Variants in UBAC2 observed in about 807,000 individuals in gnomAD.
The protein encoded by UBAC2 is UBA domain containing 2.
In UBAC2, 26 loss-of-function variants were observed where a neutral mutation model predicts 44.0. The observed-to-expected ratio is 0.59, with a 90% CI of 0.43 to 0.82. The LOEUF is 0.82. Among genes scored for constraint, UBAC2 ranks in the 40% least tolerant of loss-of-function variants. UBAC2 has a pLI of 0.00. For missense variants in UBAC2, 329 were observed against 419.4 expected (o/e 0.78, Z 1.88); for synonymous variants, 155 against 154.3 (o/e 1.00, Z -0.04).
chr13:99,237,847 C>T (rs1368987143), intron 1 of UBAC2, among the ~76,000 whole-genome samples: 2 of 152,078 alleles, frequency 1.3e-5, no homozygotes, highest in Non-Finnish European at 2.9e-5. Context: ...CCCAGCTACT[C>T]AGGAGGCTGA....
chr13:99,340,656 A>G (rs2044872270), intron 7 of UBAC2, 91 bp downstream of exon 7: 3 of 1,392,188 alleles, frequency 2.2e-6, no homozygotes, highest in Non-Finnish European at 2.0e-6. Flanking sequence ...TAGAGACTAC[A>G]TTTTATTCCA....
At chr13:99,318,919 G>A (rs1437451869) in intron 6 of UBAC2, among the ~76,000 whole-genome samples, 1 of 151,558 alleles carries the variant, frequency 6.6e-6, no homozygotes, top group Non-Finnish European at 1.5e-5. Context: ...TTTTAGCTGG[G>A]CTTGTCAGTG....
chr13:99,263,477 C>T (rs529134464), intron 4 of UBAC2, among the ~76,000 whole-genome samples: 4 of 152,106 alleles, frequency 2.6e-5, no homozygotes, highest in Admixed American at 6.5e-5. Context: ...CGCCAGAATG[C>T]CTACGATGAA....
chr13:99,277,122 C>T (rs995141459), intron 4 of UBAC2, among the ~76,000 whole-genome samples: 13 of 152,204 alleles, frequency 8.5e-5, no homozygotes, highest in Non-Finnish European at 1.6e-4. Flanking sequence ...ATCTACTCTT[C>T]ATCTTTGTGG....
At chr13:99,279,204 A>G (rs1296010835) in intron 4 of UBAC2, among the ~76,000 whole-genome samples, 1 of 151,708 alleles carries the variant, frequency 6.6e-6, no homozygotes, top group Non-Finnish European at 1.5e-5. Context: ...TCCCCTCCCA[A>G]CAGTACCTAC....
At chr13:99,294,743 T>C in intron 4 of UBAC2, 1 of 205,004 alleles carries the variant, frequency 4.9e-6, no homozygotes, top group South Asian at 9.8e-5. Context: ...TTCTAGCCAT[T>C]TGTTGGCAAG....
rs72648091 is a variant in UBAC2, at chr13:99,257,040, T to C, written c.389+12416T>C. Reference sequence around the variant, plus strand: ...GATAATTAAGAATTAACTTGAGCAATTGCTGTGGTTAAACACAAGAAACGT... The same window carrying C: ...GATAATTAAGAATTAACTTGAGCAACTGCTGTGGTTAAACACAAGAAACGT... On this transcript the variant is annotated intron_variant, in intron 4 of 8. Coordinates refer to ENST00000403766, the MANE Select transcript of UBAC2 (RefSeq NM_001144072.2). Among the ~76,000 whole-genome samples, 249 of 152,314 alleles carry C rather than the reference T, an allele frequency of 1.6e-3. 1 individual carries two copies. Among genetic ancestry groups the C allele is most frequent in the Non-Finnish European group, 3.0e-3 (204 of 68,024 alleles).
chr13:99,213,405 G>A (rs2042956378), intron 1 of UBAC2, among the ~76,000 whole-genome samples: 2 of 151,880 alleles, frequency 1.3e-5, no homozygotes, highest in Admixed American at 6.6e-5. Context: ...CTGTCGTCCA[G>A]CCTGGAGTGC....
chr13:99,314,405 T>C (rs1157707749), intron 5 of UBAC2, among the ~76,000 whole-genome samples, 185 bp downstream of exon 5: 1 of 152,148 alleles, frequency 6.6e-6, no homozygotes, highest in African/African-American at 2.4e-5. Flanking sequence ...GTATAGAAGA[T>C]ACTAGAATAC....
intron 4 of UBAC2, among the ~76,000 whole-genome samples, chr13:99,287,244 C>T (rs2138698724): frequency 6.6e-6 from 1 of 152,106 alleles, no homozygotes; most frequent in African/African-American, 2.4e-5. Context: ...TCAGATTTGC[C>T]AGTATCTCTA....
chr13:99,338,903 G>T (rs1222448451), intron 6 of UBAC2, among the ~76,000 whole-genome samples: 1 of 152,132 alleles, frequency 6.6e-6, no homozygotes, highest in African/African-American at 2.4e-5. Context: ...TTCACTGGCA[G>T]CCCTGTCTCA....
chr13:99,374,393 C>G (rs1198166304), intron 8 of UBAC2, among the ~76,000 whole-genome samples: 3 of 152,056 alleles, frequency 2.0e-5, no homozygotes, highest in Non-Finnish European at 4.4e-5. Context: ...TTAGTTTGGT[C>G]TTCTGGTTTG....
intron 4 of UBAC2, chr13:99,261,795 A>C (rs939192412): frequency 6.6e-6 from 1 of 152,434 alleles, no homozygotes; most frequent in Non-Finnish European, 1.5e-5. Flanking sequence ...GCAGAACTCC[A>C]TGGTTATTGT....
chr13:99,232,399 G>GAGATAGATAGATATATATATAT (rs1367302629), intron 1 of UBAC2, among the ~76,000 whole-genome samples: 30 of 109,970 alleles, frequency 2.7e-4, no homozygotes, highest in Non-Finnish European at 4.7e-4. Context: ...TTAGTTGAGA[G>GAGATAGATAGATATATATATAT]ATATAGATAT....
chr13:99,370,039 C>T (rs2045384301), intron 8 of UBAC2, among the ~76,000 whole-genome samples: 1 of 152,088 alleles, frequency 6.6e-6, no homozygotes, highest in Non-Finnish European at 1.5e-5. Context: ...GAAAAAATGT[C>T]TGATGAAAGG....
At chr13:99,319,837 G>C (rs1351286754) in intron 6 of UBAC2, among the ~76,000 whole-genome samples, 1 of 152,220 alleles carries the variant, frequency 6.6e-6, no homozygotes, top group Non-Finnish European at 1.5e-5. Flanking sequence ...GCGTGACTGA[G>C]GAAGACTTAA....
intron 7 of UBAC2, among the ~76,000 whole-genome samples, chr13:99,347,605 G>A (rs1277200965): frequency 1.3e-5 from 2 of 151,924 alleles, no homozygotes; most frequent in Non-Finnish European, 2.9e-5. Flanking sequence ...AGTCCACTGT[G>A]TGGCATATTC....
chr13:99,336,788 T>C (rs924937162), intron 6 of UBAC2, among the ~76,000 whole-genome samples: 1 of 152,236 alleles, frequency 6.6e-6, no homozygotes, highest in African/African-American at 2.4e-5. Flanking sequence ...CTCTTAATTG[T>C]GATATACAAC....
chr13:99,220,262 C>T (rs952217684), intron 1 of UBAC2, among the ~76,000 whole-genome samples: 8 of 152,222 alleles, frequency 5.3e-5, no homozygotes, highest in Non-Finnish European at 8.8e-5. Context: ...TACTAACTAG[C>T]TGTGACCTTC....
Sources: gnomAD v4.1 joint callset for allele counts (sites outside exome capture counted in the v4.1 genomes callset) on GRCh38, gnomAD v4.1.1 for gene constraint, MANE v1.5 for transcripts, NCBI Gene and HGNC (gene_info 2026-07-23, HGNC 2026-07-21) for gene names.